The following FNTB variants were observed in gnomAD, a reference collection of about 807,000 sequenced individuals.
The protein encoded by FNTB is protein farnesyltransferase subunit beta.
Under a neutral mutation model 59.4 loss-of-function variants are expected in FNTB, and 27 were observed. That is an observed-to-expected ratio of 0.45 (90% CI 0.34 to 0.63). The LOEUF (loss-of-function observed/expected upper bound fraction) is 0.63. FNTB is among the 20% of genes least tolerant of loss of function. The probability of loss-of-function intolerance (pLI) is 0.02; values close to 1 mark genes in which losing one functional copy is unlikely to be tolerated. For synonymous variants in FNTB, 230 were observed against 220.7 expected (o/e 1.04, Z -0.37); for missense variants, 449 against 559.6 (o/e 0.80, Z 1.99).
At position 65,032,626 on chromosome 14, in the gene FNTB, G is replaced by T; in HGVS notation, c.622G>T (p.Ala208Ser). Residue 208 changes from alanine (A) to serine (S), a missense_variant, in exon 7 of 12, where the codon GCC (alanine) becomes TCC (serine). By Grantham distance (99) the Ala-to-Ser change is moderately conservative (BLOSUM62 1). This residue lies in a region of FNTB where 337 missense variants were observed against 479.1 expected (regional missense o/e 0.70). Transcript: ENST00000246166. This position sits in a 1 kb window ranked among gnomAD's most constrained non-coding sequence, Gnocchi z 5.0. ...TCTTTCCAGAAGCGCATACTGTGCT[G>T]CCTCCGTAGCCTCGCTGACCAACAT... ...EVDVRSAYCAASVASLTNIIT... is the reference protein window; with the variant it reads ...EVDVRSAYCASSVASLTNIIT... 6.8e-6 allele frequency: 11 copies of T among 1,613,886 alleles called. No individual in the cohort carries two copies. The highest frequency in any genetic ancestry group is 9.3e-6 in the Non-Finnish European group (11 of 1,180,022).
At position 65,061,326 on chromosome 14, in the gene FNTB, C is replaced by T. The variant is rs370912945; in HGVS notation, c.*14C>T. On this transcript the variant is annotated 3_prime_UTR_variant, in exon 12 of 12. Transcript: ENST00000246166. ...GCAACCGACTAGAGGACCTGGGTCCCGGCAGCTCTTTGCTCACCCATCTCC... is the reference window on the plus strand; with the variant it reads ...GCAACCGACTAGAGGACCTGGGTCCTGGCAGCTCTTTGCTCACCCATCTCC... 94 of 1,613,074 alleles carry T rather than the reference C, an allele frequency of 5.8e-5. No homozygotes were observed. The highest frequency in any genetic ancestry group is 2.3e-4 in the African/African-American group (17 of 74,860).
chr14:65,005,485 C>CT (rs1288609575), intron 2 of FNTB, among the ~76,000 whole-genome samples: 1 of 136,532 alleles, frequency 7.3e-6, no homozygotes, highest in African/African-American at 3.1e-5. Context: ...TTCTTTCTTT[C>CT]TTTCTTTCTT....
At chr14:64,987,146 C>G (rs754719425) in intron 1 of FNTB, 49 bp downstream of exon 1, 20 of 1,605,540 alleles carry the variant, frequency 1.2e-5, no homozygotes, top group Admixed American at 3.4e-5. Flanking sequence ...GTTCTGGGAG[C>G]GCGAGTCCCG....
Position 65,032,603 on chromosome 14 carries a change from T to C in FNTB, c.606-7T>C. ...GCTTAATGTGTTTCCCGTTTCTGTC[T>C]TTCCAGAAGCGCATACTGTGCTGCC... On this transcript the variant is annotated splice_region_variant and splice_polypyrimidine_tract_variant and intron_variant, in intron 6 of 11. Transcript: ENST00000246166. The surrounding 1 kb of genome is among the most constrained non-coding windows in gnomAD (Gnocchi z 5.0). 1 of 1,613,148 alleles carries C rather than the reference T, an allele frequency of 6.2e-7. No individual in the cohort carries two copies. The highest frequency in any genetic ancestry group is 8.5e-7 in the Non-Finnish European group (1 of 1,179,868).
chr14:65,057,909 T>C (rs575595235), intron 11 of FNTB, among the ~76,000 whole-genome samples: 1 of 152,310 alleles, frequency 6.6e-6, no homozygotes, highest in Non-Finnish European at 1.5e-5. Context: ...GTTCCTTTGG[T>C]CTGTTTGCCT....
intron 7 of FNTB, among the ~76,000 whole-genome samples, chr14:65,038,130 G>A (rs1438686392): frequency 6.6e-6 from 1 of 152,154 alleles, no homozygotes; most frequent in Non-Finnish European, 1.5e-5. Flanking sequence ...ATACTTTGAG[G>A]CTGGGCGTGG....
chr14:65,032,697 G>T lies in FNTB; in HGVS notation c.692+1G>T. ...AGGGCACTGCTGAATGGATAGCAAG[G>T]TGAGAGAAGCCAGGGTTTCTCCTGG... On this transcript the variant is annotated splice_donor_variant, in intron 7 of 11. Coordinates refer to ENST00000246166, the MANE Select transcript of FNTB (RefSeq NM_002028.4). LOFTEE classifies it high-confidence loss of function. This position sits in a 1 kb window ranked among gnomAD's most constrained non-coding sequence, Gnocchi z 5.0. The T allele has an allele frequency of 6.2e-7, 1 of 1,613,314 alleles. No homozygotes were observed.
rs1178450762 is a variant in FNTB, at chr14:65,004,298, A to G, written c.194A>G (p.Asn65Ser). The change falls in exon 2 of 12, where the codon AAC becomes AGC. Residue 65 changes from asparagine to serine, a missense_variant. Asn to Ser is a conservative substitution (Grantham distance 46, BLOSUM62 1). Coordinates refer to ENST00000246166, the MANE Select transcript of FNTB (RefSeq NM_002028.4). ...IQEVFSSYKF[N>S]HLVPRLVLQR... ...GAGGTCTTCAGTTCTTACAAGTTCA[A>G]CCACCTTGTACCAAGGTAAGCTGTG... 7 of 1,612,988 alleles carry G rather than the reference A, an allele frequency of 4.3e-6. No individual in the cohort carries two copies. In the East Asian group the frequency reaches 1.1e-4, roughly 26 times the overall value.
chr14:65,027,830 A>C lies in FNTB; in HGVS notation c.605+49A>C. On this transcript the variant is annotated intron_variant, in intron 6 of 11. Transcript: ENST00000246166. This position sits in a 1 kb window ranked among gnomAD's most constrained non-coding sequence, Gnocchi z 5.7. ...GCCACATCAGTTGACTCTAGAGCTC[A>C]TCTGCCATTAGAGATGCCAAGCCTA... 206 of 1,600,620 alleles carry C rather than the reference A, an allele frequency of 1.3e-4. No homozygotes were observed. Among genetic ancestry groups the C allele is most frequent in the East Asian group, 1.8e-4 (8 of 44,564 alleles).
rs1354024278 is a variant in FNTB, at chr14:65,037,519, C to T, written c.693-3271C>T. ...ACACGATCATGGTTCACTGTTGCCT[C>T]GACTTTCCAGGCTCAAGTGATCATC... On this transcript the variant is annotated intron_variant, in intron 7 of 11. Transcript: ENST00000246166. Among the ~76,000 whole-genome samples, 10 of 135,124 alleles carry T rather than the reference C, an allele frequency of 7.4e-5. No individual in the cohort carries two copies. In the East Asian group the frequency reaches 1.2e-3, roughly 16 times the overall value. The allele number at this position is 135,124 out of a possible 152,430, so 88.6% of individuals were successfully genotyped here. A position where few individuals can be genotyped will look rare whatever the true frequency, so the allele number is the denominator to read the frequency against.
At position 65,062,117 on chromosome 14, in the gene FNTB, T is replaced by G. The variant is rs1027250838; in HGVS notation, c.*805T>G. 6.6e-6 allele frequency: 1 copy of G among 152,294 alleles called. No homozygotes were observed. Among genetic ancestry groups the G allele is most frequent in the African/African-American group, 2.4e-5 (1 of 41,446 alleles). The allele number at this position is 152,294 out of a possible 1,614,324, so 9.4% of individuals were successfully genotyped here. A position where few individuals can be genotyped will look rare whatever the true frequency, so the allele number is the denominator to read the frequency against. On this transcript the variant is annotated 3_prime_UTR_variant, in exon 12 of 12. Coordinates refer to ENST00000246166, the MANE Select transcript of FNTB (RefSeq NM_002028.4). This position sits in a 1 kb window ranked among gnomAD's most constrained non-coding sequence, Gnocchi z 4.3. ...CCTATCATGTACCGTGAAAACCCCCTCTGATGGCCTCAAGGCAGTGCCTGC... is the reference window on the plus strand; with the variant it reads ...CCTATCATGTACCGTGAAAACCCCCGCTGATGGCCTCAAGGCAGTGCCTGC...
At position 64,987,039 on chromosome 14, in the gene FNTB, A is replaced by G; in HGVS notation, c.86A>G (p.Glu29Gly). The G allele has an allele frequency of 6.2e-7, 1 of 1,614,144 alleles. No individual in the cohort carries two copies. Among genetic ancestry groups the G allele is most frequent in the Non-Finnish European group, 8.5e-7 (1 of 1,180,032 alleles). The stretch of plus-strand genomic sequence containing the variant: ...GAGCCGCTGTACAGTCTGAGGCCCG[A>G]GCACGCGCGAGAGCGGTTGCAGGAC... Reference protein sequence around the residue: ...WSEPLYSLRPEHARERLQDDS... With the variant: ...WSEPLYSLRPGHARERLQDDS... Residue 29 changes from glutamate to glycine, a missense_variant, in exon 1 of 12, where the codon GAG (glutamate) becomes GGG (glycine). Transcript: ENST00000246166.
At chr14:65,059,698 C>A (rs753933428) in intron 11 of FNTB, among the ~76,000 whole-genome samples, 14 of 151,950 alleles carry the variant, frequency 9.2e-5, no homozygotes, top group Non-Finnish European at 7.4e-5. Flanking sequence ...TATGCCGTGT[C>A]AAATCTAAAG....
In FNTB at chr14:64,986,990, C is replaced by A; in HGVS notation, c.37C>A (p.Pro13Thr). 1 of 1,614,254 alleles carries A rather than the reference C, an allele frequency of 6.2e-7. No individual in the cohort carries two copies. The highest frequency in any genetic ancestry group is 1.6e-4 in the Middle Eastern group (1 of 6,062). Residue 13 changes from proline (P) to threonine (T), a missense_variant, in exon 1 of 12, where the codon CCA becomes ACA. Physicochemically the swap from Pro to Thr is conservative, Grantham distance 38. Transcript: ENST00000246166. Reference sequence around the variant, plus strand: ...GAGTTCTTTCACCTACTATTGCCCTCCATCTTCCTCCCCCGTCTGGTCAGA... The same window carrying A: ...GAGTTCTTTCACCTACTATTGCCCTACATCTTCCTCCCCCGTCTGGTCAGA... ...SPSSFTYYCP[P>T]SSSPVWSEPL... is the part of the protein sequence containing the mutation.
intron 11 of FNTB, among the ~76,000 whole-genome samples, chr14:65,055,526 T>C (rs1394550947): frequency 6.6e-6 from 1 of 152,118 alleles, no homozygotes; most frequent in Non-Finnish European, 1.5e-5. Flanking sequence ...ATTTTTAATT[T>C]TTTTTTGTGA....
intron 11 of FNTB, among the ~76,000 whole-genome samples, chr14:65,057,829 G>C (rs2062772201): frequency 6.6e-6 from 1 of 152,190 alleles, no homozygotes; most frequent in South Asian, 2.1e-4. Flanking sequence ...CTGCTGATGT[G>C]TATCTCATGT....
At chr14:65,052,623 A>G (rs549461287) in intron 9 of FNTB, among the ~76,000 whole-genome samples, 20 of 152,184 alleles carry the variant, frequency 1.3e-4, no homozygotes, top group Non-Finnish European at 2.8e-4. Context: ...TCAGTACCTT[A>G]GTAGTATTAC....
rs1193049482 is a variant in FNTB at position 65,011,943 on chromosome 14, C to T, written c.210-374C>T. Among the ~76,000 whole-genome samples, 1 of 152,098 alleles carries T rather than the reference C, an allele frequency of 6.6e-6. No individual in the cohort carries two copies. The highest frequency in any genetic ancestry group is 2.4e-5 in the African/African-American group (1 of 41,406). On this transcript the variant is annotated intron_variant, in intron 2 of 11. Coordinates refer to ENST00000246166, the MANE Select transcript of FNTB (RefSeq NM_002028.4). This position sits in a 1 kb window ranked among gnomAD's most constrained non-coding sequence, Gnocchi z 4.0. The stretch of plus-strand genomic sequence containing the variant: ...AGTGGCGAGGCTCAGATTTAAATTG[C>T]TTATAGGATGGGGAGGCACAAAGAT...
chr14:65,033,918 G>A (rs1265447686), intron 7 of FNTB, among the ~76,000 whole-genome samples: 2 of 152,180 alleles, frequency 1.3e-5, no homozygotes, highest in Non-Finnish European at 2.9e-5. Flanking sequence ...TAGCCAAGCT[G>A]AGATACTGTT....
Sources: gnomAD v4.1 joint callset for allele counts (sites outside exome capture counted in the v4.1 genomes callset) on GRCh38, gnomAD v4.1.1 for gene constraint, gnomAD v4.1.1 regional missense constraint, Gnocchi (gnomAD v3.1) non-coding constraint, MANE v1.5 for transcripts, NCBI Gene and HGNC (gene_info 2026-07-23, HGNC 2026-07-21) for gene names.